PDE5A: variants seen among roughly 807,000 people sequenced by gnomAD.
PDE5A encodes the protein phosphodiesterase 5A.
In PDE5A, 67 loss-of-function variants were observed where a neutral mutation model predicts 110.2. The observed-to-expected ratio is 0.61, with a 90% confidence interval of 0.50 to 0.75. The LOEUF is 0.75. Ranked by LOEUF, PDE5A falls within the 30% of genes least tolerant of loss-of-function variation. The pLI is 0.00. For missense variants in PDE5A, 862 were observed against 1,045.1 expected, an observed-to-expected ratio of 0.82 and a Z score of 2.42; for synonymous variants, 328 against 351.2, an observed-to-expected ratio of 0.93 and a Z score of 0.74.
intron 6 of PDE5A, among the ~76,000 whole-genome samples, 163 bp from the exon 7 acceptor site, chr4:119,560,526 C>G (rs1036958119): frequency 6.6e-6 from 1 of 152,168 alleles, no homozygotes; most frequent in Non-Finnish European, 1.5e-5. Flanking sequence ...TTTATGACAT[C>G]CTCAAAACTG....
chr4:119,575,167 C>A (rs1019523896), intron 3 of PDE5A, among the ~76,000 whole-genome samples: 7 of 152,106 alleles, frequency 4.6e-5, no homozygotes, highest in African/African-American at 1.7e-4. Context: ...ACAAAGCCTC[C>A]AAGAAATATG....
chr4:119,538,490 T>C (rs889077712), intron 11 of PDE5A, among the ~76,000 whole-genome samples: 11 of 152,198 alleles, frequency 7.2e-5, no homozygotes, highest in Non-Finnish European at 1.5e-4. Context: ...TCTCTCATTG[T>C]ATGCTAAATA....
At chr4:119,504,086 C>A (rs1725472085) in intron 18 of PDE5A, among the ~76,000 whole-genome samples, 2 of 151,956 alleles carry the variant, frequency 1.3e-5, no homozygotes, top group South Asian at 2.1e-4. Context: ...TGTTCTTCAC[C>A]CCTTGTTCTT....
At chr4:119,573,100 A>C (rs1234353383) in intron 3 of PDE5A, among the ~76,000 whole-genome samples, 1 of 152,228 alleles carries the variant, frequency 6.6e-6, no homozygotes, top group Non-Finnish European at 1.5e-5. Flanking sequence ...AATCTGGTTC[A>C]TTCATTTTAT....
intron 15 of PDE5A, 69 bp downstream of exon 15, chr4:119,510,978 G>T: frequency 4.0e-6 from 4 of 989,952 alleles, no homozygotes; most frequent in East Asian, 2.4e-5. Flanking sequence ...ATAAATCCAA[G>T]AACTAAAAAT....
chr4:119,498,495 A>T lies in PDE5A; in HGVS notation c.*106T>A, dbSNP rs1387037767. 3 of 1,276,978 alleles carry T rather than the reference A, an allele frequency of 2.3e-6. No homozygotes were observed. The East Asian group carries it at 7.0e-5, about 30-fold the overall frequency. The allele number at this position is 1,276,978 out of a possible 1,614,324, so 79.1% of individuals were successfully genotyped here. On this transcript the variant is annotated 3_prime_UTR_variant, in exon 21 of 21. Coordinates refer to ENST00000354960, the MANE Select transcript of PDE5A (RefSeq NM_001083.4). ...GCAAAAATAAAAATACAGCAGTGGCAAAGTATATACCAAATACAGACACTA... is the reference window on the plus strand; with the variant it reads ...GCAAAAATAAAAATACAGCAGTGGCTAAGTATATACCAAATACAGACACTA...
At chr4:119,563,483 C>G (rs1312552178) in intron 5 of PDE5A, among the ~76,000 whole-genome samples, 1 of 151,978 alleles carries the variant, frequency 6.6e-6, no homozygotes, top group Admixed American at 6.6e-5. Context: ...GTAGATTTCT[C>G]TTTCTTCTGA....
intron 1 of PDE5A, among the ~76,000 whole-genome samples, chr4:119,609,782 C>T (rs1286869981): frequency 6.6e-6 from 1 of 152,072 alleles, no homozygotes; most frequent in African/African-American, 2.4e-5. Flanking sequence ...TAAGGGTTCT[C>T]ACCACAAAAA....
At chr4:119,531,479 T>C (rs993722589) in intron 11 of PDE5A, among the ~76,000 whole-genome samples, 2 of 152,084 alleles carry the variant, frequency 1.3e-5, no homozygotes, top group African/African-American at 4.8e-5. Flanking sequence ...GGTTTCACCA[T>C]GTTGGCCAGG....
intron 7 of PDE5A, 28 bp downstream of exon 7, chr4:119,560,268 A>G: frequency 2.3e-6 from 3 of 1,322,804 alleles, no homozygotes; most frequent in Non-Finnish European, 3.2e-6. Context: ...TCATGTGATA[A>G]AGACAAGTAG....
chr4:119,608,468 C>A (rs559889718), intron 1 of PDE5A, among the ~76,000 whole-genome samples: 3 of 152,264 alleles, frequency 2.0e-5, no homozygotes, highest in African/African-American at 7.2e-5. Context: ...TGGAACTCTT[C>A]TTTTGAAACA....
In PDE5A at chr4:119,562,814, A is replaced by T; in HGVS notation, c.1131+19T>A. 6.7e-7 allele frequency: 1 copy of T among 1,486,756 alleles called. No individual in the cohort carries two copies. 92.1% of individuals were successfully genotyped at this position (1,486,756 alleles called of 1,614,324 possible). A position where few individuals can be genotyped will look rare whatever the true frequency, so the allele number is the denominator to read the frequency against. ...GTTTCTGTCTTTCTAAAAATAAAAA[A>T]GTCATACTCTGTACTCACGGAGCAA... On this transcript the variant is annotated intron_variant, in intron 6 of 20. Transcript: ENST00000354960.
chr4:119,518,914 C>T, intron 14 of PDE5A, 131 bp downstream of exon 14: 8 of 586,236 alleles, frequency 1.4e-5, no homozygotes, highest in Admixed American at 6.3e-5. Flanking sequence ...TTATTTTTTC[C>T]ATTTCCTTTA....
At chr4:119,625,892 C>A (rs143902344) in intron 1 of PDE5A, among the ~76,000 whole-genome samples, 15 of 152,250 alleles carry the variant, frequency 9.9e-5, no homozygotes, top group Admixed American at 3.3e-4. Context: ...AAATATAAAA[C>A]CAAATTGGAA....
intron 3 of PDE5A, among the ~76,000 whole-genome samples, chr4:119,567,497 A>G (rs768512936): frequency 1.5e-4 from 23 of 152,216 alleles, no homozygotes; most frequent in Non-Finnish European, 3.2e-4. Context: ...CCAATAAAGT[A>G]TATAAGAATA....
intron 3 of PDE5A, among the ~76,000 whole-genome samples, chr4:119,570,879 A>T (rs1199292779): frequency 6.6e-6 from 1 of 152,218 alleles, no homozygotes; most frequent in Non-Finnish European, 1.5e-5. Flanking sequence ...TACTAAGAAA[A>T]CTAGAACTTA....
At position 119,627,096 on chromosome 4, in the gene PDE5A, G is replaced by C; in HGVS notation, c.152+1424C>G. 1 of 1,606,248 alleles carries C rather than the reference G, an allele frequency of 6.2e-7. No individual in the cohort carries two copies. Among genetic ancestry groups the C allele is most frequent in the Non-Finnish European group, 8.5e-7 (1 of 1,175,658 alleles). ...CGCCACCACCCAGCACCCGAGACCC[G>C]CCGCGCCCCCGGAAAAAGTGGGAAG... On this transcript the variant is annotated intron_variant, in intron 1 of 20. Transcript: ENST00000354960. The surrounding 1 kb of genome is among the most constrained non-coding windows in gnomAD (Gnocchi z 4.6).
chr4:119,518,659 C>T (rs183831875), intron 14 of PDE5A, among the ~76,000 whole-genome samples: 146 of 152,332 alleles, frequency 9.6e-4, no homozygotes, highest in African/African-American at 3.3e-3. Context: ...AAGCCTCCTT[C>T]TACTGAGCAC....
chr4:119,499,164 TAAAG>T (rs1725199743), intron 20 of PDE5A, among the ~76,000 whole-genome samples: 1 of 152,192 alleles, frequency 6.6e-6, no homozygotes, highest in Non-Finnish European at 1.5e-5. Context: ...TATATTATAA[TAAAG>T]ATTCATAATT....
Sources: gnomAD v4.1 joint callset for allele counts (sites outside exome capture counted in the v4.1 genomes callset) on GRCh38, gnomAD v4.1.1 for gene constraint, Gnocchi (gnomAD v3.1) non-coding constraint, MANE v1.5 for transcripts, NCBI Gene and HGNC (gene_info 2026-07-23, HGNC 2026-07-21) for gene names.